The following ARVCF variants were observed in gnomAD, a reference collection of about 807,000 sequenced individuals.
The protein encoded by ARVCF is ARVCF delta catenin family member.
In ARVCF, 66 loss-of-function variants were observed where a neutral mutation model predicts 90.9. The ratio of observed to expected loss-of-function variants is 0.73; its 90% confidence interval spans 0.60 to 0.89. ARVCF has a LOEUF of 0.89. Ranked by LOEUF, ARVCF falls within the 40% of genes least tolerant of loss-of-function variation. The probability of loss-of-function intolerance (pLI) is 0.00; values close to 1 mark genes in which losing one functional copy is unlikely to be tolerated. For synonymous variants in ARVCF, 653 were observed against 603.4 expected (o/e 1.08, Z -1.21); for missense variants, 1,469 against 1,382.3 (o/e 1.06, Z -1.00).
downstream of ARVCF, chr22:19,968,843 A>C: frequency 9.4e-7 from 1 of 1,068,612 alleles, no homozygotes; most frequent in Non-Finnish European, 1.4e-6. Context: ...CCTAAATGCA[A>C]AGCACACCTC....
chr22:19,980,020 G>T lies in ARVCF; in HGVS notation c.1119C>A (p.Pro373=). 1 of 1,590,268 alleles carries T rather than the reference G, an allele frequency of 6.3e-7. No homozygotes were observed. The highest frequency in any genetic ancestry group is 2.3e-5 in the East Asian group (1 of 43,682). ...GGTAGGCGGCCGCATTGGCCTTCAC[G>T]GGGTCCACGGGGTGCCGCAGCATGG... ...VLAMLRHPVD[P]VKANAAAYLQ... Residue 373 remains proline, a synonymous_variant, in exon 6 of 20, where the codon CCC becomes CCA. Transcript: ENST00000263207.
At chr22:19,966,310 G>C (rs939813221), downstream of ARVCF, among the ~76,000 whole-genome samples, 2 of 151,930 alleles carry the variant, frequency 1.3e-5, no homozygotes, top group African/African-American at 2.4e-5. Context: ...GGAGGCACGA[G>C]GGGTGAGGGG....
At position 19,973,224 on chromosome 22, in the gene ARVCF, G is replaced by A. The variant is rs1942941502; in HGVS notation, c.2333C>T (p.Ala778Val). 1.2e-6 allele frequency: 2 copies of A among 1,610,166 alleles called. No individual in the cohort carries two copies. The highest frequency in any genetic ancestry group is 1.7e-6 in the Non-Finnish European group (2 of 1,178,972). Residue 778 changes from alanine (A) to valine (V), a missense_variant, in exon 14 of 20, where the codon GCG (alanine) becomes GTG (valine). Physicochemically the swap from Ala to Val is moderately conservative, Grantham distance 64 (BLOSUM62 0). Coordinates refer to ENST00000263207, the MANE Select transcript of ARVCF (RefSeq NM_001670.3). Reference sequence around the variant, plus strand: ...GATTTCGTGGATGGTGTTGAGCACCGCCACCACGGTGTCTTCCTCCAGGCA... The same window carrying A: ...GATTTCGTGGATGGTGTTGAGCACCACCACCACGGTGTCTTCCTCCAGGCA... ...GACLEEDTVV[A>V]VLNTIHEIVS...
At chr22:19,977,880 C>A in intron 8 of ARVCF, 78 bp downstream of exon 8, 1 of 1,463,170 alleles carries the variant, frequency 6.8e-7, no homozygotes, top group Non-Finnish European at 9.3e-7. Context: ...CTGTGCTGCT[C>A]CCACAGTTCC....
chr22:19,975,805 T>C (rs1943122358), intron 10 of ARVCF, 48 bp from the exon 11 acceptor site: 2 of 1,595,824 alleles, frequency 1.3e-6, no homozygotes, highest in Admixed American at 1.7e-5. Flanking sequence ...ATATGGGGAA[T>C]GGGTGTATCA....
At chr22:19,989,211 C>T (rs1943933730) in intron 3 of ARVCF, among the ~76,000 whole-genome samples, 1 of 151,976 alleles carries the variant, frequency 6.6e-6, no homozygotes. Context: ...GTGAGAGTGG[C>T]CCCAGCACCG....
chr22:19,967,883 C>A (rs1447504689), downstream of ARVCF, among the ~76,000 whole-genome samples: 1 of 152,224 alleles, frequency 6.6e-6, no homozygotes, highest in South Asian at 2.1e-4. Flanking sequence ...AGGTTTCTCC[C>A]GATAGTGGAC....
chr22:19,985,902 C>T (rs1453549958), intron 3 of ARVCF, among the ~76,000 whole-genome samples: 3 of 152,228 alleles, frequency 2.0e-5, no homozygotes, highest in African/African-American at 7.2e-5. Flanking sequence ...GAATCTTCTC[C>T]ATCCCCATTA....
In ARVCF at chr22:19,973,746, C is replaced by G; in HGVS notation, c.2136G>C (p.Pro712=). Residue 712 remains proline (P), a synonymous_variant, in exon 13 of 20, where the codon CCG becomes CCC. Coordinates refer to ENST00000263207, the MANE Select transcript of ARVCF (RefSeq NM_001670.3). ...CAGACTGCAGCAGTTCCACAAGCACCGGCAGCCCGCGCTCTTTGCGCACTG... is the reference window on the plus strand; with the variant it reads ...CAGACTGCAGCAGTTCCACAAGCACGGGCAGCCCGCGCTCTTTGCGCACTG... The part of the protein sequence containing the change: ...RATVRKERGL[P]VLVELLQSET... 1.2e-6 allele frequency: 2 copies of G among 1,608,510 alleles called. No homozygotes were observed. The highest frequency in any genetic ancestry group is 1.1e-5 in the South Asian group (1 of 91,082).
In ARVCF at chr22:19,979,836, T is replaced by C. The variant is rs765781420; in HGVS notation, c.1303A>G (p.Asn435Asp). 4 of 1,609,678 alleles carry C rather than the reference T, an allele frequency of 2.5e-6. No homozygotes were observed. The highest frequency in any genetic ancestry group is 3.4e-6 in the Non-Finnish European group (4 of 1,178,910). Residue 435 changes from asparagine to aspartate, a missense_variant, in exon 6 of 20, where the codon AAC (asparagine) becomes GAC (aspartate). Coordinates refer to ENST00000263207, the MANE Select transcript of ARVCF (RefSeq NM_001670.3). ...RNLSYGRDTDNKAAIRDCGGV... is the reference protein window; with the variant it reads ...RNLSYGRDTDDKAAIRDCGGV... ...CCGCAGTCCCGGATGGCGGCCTTGT[T>C]GTCAGTGTCGCGGCCATAGGAGAGG...
At position 19,974,242 on chromosome 22, in the gene ARVCF, A is replaced by G. The variant is rs1475938649; in HGVS notation, c.1961-3T>C. The stretch of plus-strand genomic sequence containing the variant: ...GGGCTGGTACAGCAGCTCAAAGCCT[A>G]GGTGCAGGGCAACCGCCACCCACGG... On this transcript the variant is annotated splice_polypyrimidine_tract_variant and splice_region_variant and intron_variant, in intron 11 of 19. Coordinates refer to ENST00000263207, the MANE Select transcript of ARVCF (RefSeq NM_001670.3). The G allele has an allele frequency of 1.2e-6, 2 of 1,605,950 alleles. No individual in the cohort carries two copies. The highest frequency in any genetic ancestry group is 1.7e-6 in the Non-Finnish European group (2 of 1,175,590).
Position 19,980,118 on chromosome 22 carries a change from G to T in ARVCF, c.1021C>A (p.Arg341=). 1.9e-6 allele frequency: 3 copies of T among 1,587,932 alleles called. No individual in the cohort carries two copies. Among genetic ancestry groups the T allele is most frequent in the Non-Finnish European group, 1.7e-6 (2 of 1,170,802 alleles). The change falls in exon 6 of 20, where the codon CGG becomes AGG. Residue 341 remains arginine (R), a synonymous_variant. Transcript: ENST00000263207. The part of the protein sequence containing the change: ...GSMGSLDRLV[R]RSPSVDSARK... ...GCGCTATCCACTGAGGGCGAGCGCC[G>T]CACCAGCCGGTCCAGGCTGCCCATG...
At chr22:19,973,918 C>T in intron 12 of ARVCF, 125 bp from the exon 13 acceptor site, 5 of 1,483,256 alleles carry the variant, frequency 3.4e-6, no homozygotes, top group South Asian at 1.3e-5. Flanking sequence ...ACCCCAAAAG[C>T]TCAACGGCAC....
chr22:19,967,067 G>T, downstream of ARVCF: 1 of 1,221,330 alleles, frequency 8.2e-7, no homozygotes. Flanking sequence ...TTCCCCTCTT[G>T]ACCAGTTTCG....
intron 9 of ARVCF, 75 bp from the exon 10 acceptor site, chr22:19,976,798 C>T (rs953919442): frequency 3.3e-6 from 5 of 1,520,366 alleles, no homozygotes; most frequent in African/African-American, 1.4e-5. Context: ...CCCATGCCCT[C>T]CCGGAAGCCT....
intron 2 of ARVCF, among the ~76,000 whole-genome samples, chr22:20,003,142 T>A (rs1944501842): frequency 6.6e-6 from 1 of 152,194 alleles, no homozygotes. Flanking sequence ...TGGAAAAATT[T>A]CCTAGAAACA....
intron 3 of ARVCF, among the ~76,000 whole-genome samples, chr22:19,989,343 T>C (rs570223012): frequency 6.6e-6 from 1 of 152,134 alleles, no homozygotes; most frequent in Admixed American, 6.5e-5. Context: ...GGGCCTTCTA[T>C]GTGGGTCTCA....
intron 11 of ARVCF, among the ~76,000 whole-genome samples, chr22:19,974,702 T>C (rs2146259596): frequency 6.6e-6 from 1 of 152,202 alleles, no homozygotes; most frequent in South Asian, 2.1e-4. Context: ...TAACTGAAGC[T>C]GTGCAGAGAG....
rs756593292 is a variant in ARVCF, at chr22:19,973,046, C to T, written c.2439-10G>A. The stretch of plus-strand genomic sequence containing the variant: ...TTCGCGTACCGATTGGCTGTGGGGC[C>T]GGGGGCGGGGTCAGTGGTGGCCCCT... On this transcript the variant is annotated splice_polypyrimidine_tract_variant and intron_variant, in intron 14 of 19. Transcript: ENST00000263207. 1.9e-6 allele frequency: 3 copies of T among 1,611,894 alleles called. No homozygotes were observed. The highest frequency in any genetic ancestry group is 2.2e-5 in the East Asian group (1 of 44,842).
Sources: gnomAD v4.1 joint callset for allele counts (sites outside exome capture counted in the v4.1 genomes callset) on GRCh38, gnomAD v4.1.1 for gene constraint, MANE v1.5 for transcripts, NCBI Gene and HGNC (gene_info 2026-07-23, HGNC 2026-07-21) for gene names.